Variants in GABRG3 observed in about 807,000 individuals in gnomAD.
The protein encoded by GABRG3 is gamma-aminobutyric acid type A receptor subunit gamma3.
In GABRG3, 25 loss-of-function variants were observed where a neutral mutation model predicts 48.8. That is an observed-to-expected ratio of 0.51 (90% CI 0.37 to 0.72). GABRG3 has a LOEUF of 0.72. Ranked by LOEUF, GABRG3 falls within the 30% of genes least tolerant of loss-of-function variation. The probability of loss-of-function intolerance (pLI) is 0.00; values close to 1 mark genes in which losing one functional copy is unlikely to be tolerated. For synonymous variants in GABRG3, 227 were observed against 217.6 expected (o/e 1.04, Z -0.38); for missense variants, 394 against 577.9 (o/e 0.68, Z 3.26).
intron 5 of GABRG3, among the ~76,000 whole-genome samples, chr15:27,371,280 C>CT (rs1378636265): frequency 1.7e-4 from 25 of 145,958 alleles, no homozygotes; most frequent in African/African-American, 6.0e-4. Context: ...AGACAGTGAA[C>CT]ATTTTTTTTT....
At chr15:27,349,546 A>C (rs963306978) in intron 5 of GABRG3, among the ~76,000 whole-genome samples, 1 of 152,172 alleles carries the variant, frequency 6.6e-6, no homozygotes, top group African/African-American at 2.4e-5. Flanking sequence ...CTTGGCTTCC[A>C]CTCTCAATGG....
At chr15:27,244,862 T>C (rs915114225) in intron 3 of GABRG3, among the ~76,000 whole-genome samples, 1 of 152,248 alleles carries the variant, frequency 6.6e-6, no homozygotes, top group Non-Finnish European at 1.5e-5. Context: ...TTATTTTTCT[T>C]TTTAAATTAT....
chr15:27,300,077 TC>T (rs1416307642), intron 3 of GABRG3, among the ~76,000 whole-genome samples: 7 of 152,270 alleles, frequency 4.6e-5, no homozygotes, highest in Non-Finnish European at 5.9e-5. Context: ...CACAAATCTT[TC>T]AAACTCTTAC....
intron 3 of GABRG3, among the ~76,000 whole-genome samples, chr15:27,089,013 G>A (rs1427342872): frequency 1.3e-5 from 2 of 152,110 alleles, no homozygotes; most frequent in African/African-American, 4.8e-5. Flanking sequence ...GCTGGCTGGC[G>A]CCGGGCTCTG....
chr15:27,227,383 T>G (rs56404209), intron 3 of GABRG3, among the ~76,000 whole-genome samples: 2,638 of 151,954 alleles, frequency 0.017, 73 homozygotes, highest in African/African-American at 0.061. Context: ...TGTAGTCCTT[T>G]GTTACTTGGG....
intron 3 of GABRG3, among the ~76,000 whole-genome samples, chr15:27,315,598 A>G (rs1289250446): frequency 2.0e-5 from 3 of 152,234 alleles, no homozygotes; most frequent in African/African-American, 7.2e-5. Flanking sequence ...GACCCTGAAT[A>G]CTAAGAATTT....
At chr15:27,472,416 C>T (rs1004319707) in intron 5 of GABRG3, among the ~76,000 whole-genome samples, 20 of 152,256 alleles carry the variant, frequency 1.3e-4, no homozygotes, top group Admixed American at 1.1e-3. Context: ...GCTGGAACTA[C>T]AGGCACATAC....
intron 3 of GABRG3, among the ~76,000 whole-genome samples, chr15:27,198,080 T>C (rs868008729): frequency 1.3e-5 from 2 of 152,160 alleles, no homozygotes; most frequent in Non-Finnish European, 2.9e-5. Context: ...ATTCAGGACA[T>C]AGGCATGGGC....
At chr15:27,217,459 C>T (rs868792465) in intron 3 of GABRG3, among the ~76,000 whole-genome samples, 1 of 152,168 alleles carries the variant, frequency 6.6e-6, no homozygotes, top group Non-Finnish European at 1.5e-5. Context: ...GCCCCACTGC[C>T]CTGGCTTCCT....
At chr15:27,210,267 A>G (rs1027950371) in intron 3 of GABRG3, among the ~76,000 whole-genome samples, 1 of 152,200 alleles carries the variant, frequency 6.6e-6, no homozygotes, top group Non-Finnish European at 1.5e-5. Flanking sequence ...TGGAACTTTT[A>G]TCTCCGTATT....
intron 5 of GABRG3, among the ~76,000 whole-genome samples, chr15:27,445,191 A>T (rs961085723): frequency 6.6e-6 from 1 of 152,124 alleles, no homozygotes; most frequent in African/African-American, 2.4e-5. Flanking sequence ...GATTTTATGT[A>T]GACATGTTTT....
intron 3 of GABRG3, among the ~76,000 whole-genome samples, chr15:27,226,267 C>T (rs539993001): frequency 6.6e-6 from 1 of 152,230 alleles, no homozygotes; most frequent in East Asian, 1.9e-4. Flanking sequence ...CCTCTCACTG[C>T]AGCATCCAGG....
intron 2 of GABRG3, among the ~76,000 whole-genome samples, chr15:27,019,596 G>C (rs761065703): frequency 6.6e-6 from 1 of 152,188 alleles, no homozygotes; most frequent in Admixed American, 6.5e-5. Flanking sequence ...TTCATCTGTG[G>C]ACATTAGCAG....
At chr15:27,106,807 A>C (rs980961817) in intron 3 of GABRG3, among the ~76,000 whole-genome samples, 25 of 152,040 alleles carry the variant, frequency 1.6e-4, no homozygotes, top group Non-Finnish European at 2.5e-4. Context: ...ATGCTCATGA[A>C]TTCAGTAGTT....
At chr15:27,427,244 A>T (rs1183698930) in intron 5 of GABRG3, among the ~76,000 whole-genome samples, 1 of 152,198 alleles carries the variant, frequency 6.6e-6, no homozygotes, top group Non-Finnish European at 1.5e-5. Flanking sequence ...ATCCAAAAGC[A>T]CTTTCTATAT....
At chr15:27,368,948 T>C (rs1467843130) in intron 5 of GABRG3, among the ~76,000 whole-genome samples, 1 of 152,184 alleles carries the variant, frequency 6.6e-6, no homozygotes, top group African/African-American at 2.4e-5. Context: ...GGACAGATAG[T>C]CAAGGGCCAG....
intron 3 of GABRG3, among the ~76,000 whole-genome samples, chr15:27,166,768 C>T (rs1475758676): frequency 6.6e-6 from 1 of 152,182 alleles, no homozygotes; most frequent in Non-Finnish European, 1.5e-5. Flanking sequence ...CACAATTTTA[C>T]CCAGTGCAGC....
chr15:27,236,407 C>G lies in GABRG3; in HGVS notation c.271-90402C>G, dbSNP rs1215669073. Among the ~76,000 whole-genome samples, 3 of 152,214 alleles carry G rather than the reference C, an allele frequency of 2.0e-5. No individual in the cohort carries two copies. Among genetic ancestry groups the G allele is most frequent in the African/African-American group, 7.2e-5 (3 of 41,458 alleles). Reference sequence around the variant, plus strand: ...TGTTGGCTGAGAGAAACCTTAGAAACTGAGTTCCCGGCCATGACAGGACAG... The same window carrying G: ...TGTTGGCTGAGAGAAACCTTAGAAAGTGAGTTCCCGGCCATGACAGGACAG... On this transcript the variant is annotated intron_variant, in intron 3 of 9. Coordinates refer to ENST00000615808, the MANE Select transcript of GABRG3 (RefSeq NM_033223.5). The surrounding 1 kb of genome is among the most constrained non-coding windows in gnomAD (Gnocchi z 4.4).
chr15:27,288,394 T>C (rs1891687580), intron 3 of GABRG3, among the ~76,000 whole-genome samples: 1 of 152,046 alleles, frequency 6.6e-6, no homozygotes, highest in African/African-American at 2.4e-5. Context: ...CTGAGTTTGT[T>C]TCCCTGCAAC....
Sources: allele counts gnomAD v4.1 joint callset (sites outside exome capture counted in the v4.1 genomes callset), GRCh38; gene constraint gnomAD v4.1.1; non-coding constraint Gnocchi (gnomAD v3.1); transcripts MANE v1.5; gene names NCBI Gene and HGNC (gene_info 2026-07-23, HGNC 2026-07-21).